BMPER: variants seen among roughly 807,000 people sequenced by gnomAD.
BMPER encodes BMP-binding endothelial regulator protein.
Under a neutral mutation model 87.3 loss-of-function variants are expected in BMPER, and 45 were observed. The observed-to-expected ratio is 0.52, with a 90% confidence interval of 0.41 to 0.66. The LOEUF (loss-of-function observed/expected upper bound fraction) is 0.66, where lower values mean the gene tolerates loss of function less well. Ranked by LOEUF, BMPER falls within the 30% of genes least tolerant of loss-of-function variation. The pLI is 0.00. For missense variants in BMPER, 784 were observed against 867.5 expected (o/e 0.90, Z 1.21); for synonymous variants, 326 against 316.2 (o/e 1.03, Z -0.33).
At chr7:33,938,567 G>A (rs1784668017) in intron 3 of BMPER, among the ~76,000 whole-genome samples, 2 of 152,182 alleles carry the variant, frequency 1.3e-5, no homozygotes, top group African/African-American at 4.8e-5. Context: ...AGTGCCTTCA[G>A]AGGTAGCATG....
At chr7:33,999,560 C>T (rs962249015) in intron 6 of BMPER, among the ~76,000 whole-genome samples, 1 of 152,190 alleles carries the variant, frequency 6.6e-6, no homozygotes, top group African/African-American at 2.4e-5. Flanking sequence ...TGAATTTATT[C>T]AGATAAAGTA....
chr7:34,036,536 A>G (rs934470547), intron 6 of BMPER, among the ~76,000 whole-genome samples: 5 of 152,082 alleles, frequency 3.3e-5, no homozygotes, highest in African/African-American at 1.2e-4. Flanking sequence ...AAGGGGAAAG[A>G]CCTTGCTGGG....
chr7:34,147,222 T>G (rs1173152661), intron 14 of BMPER, among the ~76,000 whole-genome samples: 1 of 152,186 alleles, frequency 6.6e-6, no homozygotes, highest in African/African-American at 2.4e-5. Context: ...TTATATACAC[T>G]GAGTTATTTC....
rs191873785 is a variant in BMPER at position 33,919,486 on chromosome 7, A to G, written c.219+12583A>G. 3.9e-5 allele frequency among the ~76,000 whole-genome samples: 6 copies of G among 152,302 alleles called. No individual in the cohort carries two copies. The East Asian group carries it at 9.6e-4, about 24-fold the overall frequency. On this transcript the variant is annotated intron_variant, in intron 2 of 14. Transcript: ENST00000649409. Reference sequence around the variant, plus strand: ...GAACCTCCAACTCTGAATTAATGGGATCTTCTGTATATCCTCAAGACCCCT... The same window carrying G: ...GAACCTCCAACTCTGAATTAATGGGGTCTTCTGTATATCCTCAAGACCCCT...
chr7:34,141,016 G>A (rs552794117), intron 13 of BMPER, among the ~76,000 whole-genome samples: 18 of 152,224 alleles, frequency 1.2e-4, no homozygotes, highest in African/African-American at 4.1e-4. Context: ...AAGTGAAGTA[G>A]GAATGGGATT....
intron 13 of BMPER, among the ~76,000 whole-genome samples, chr7:34,104,420 C>A (rs1372869383): frequency 2.6e-5 from 4 of 152,192 alleles, no homozygotes; most frequent in Non-Finnish European, 4.4e-5. Flanking sequence ...AACAAAGACA[C>A]AGCGAGTTGT....
intron 6 of BMPER, among the ~76,000 whole-genome samples, chr7:34,033,630 C>T (rs1344232824): frequency 1.3e-5 from 2 of 152,202 alleles, no homozygotes; most frequent in Non-Finnish European, 2.9e-5. Context: ...TGGACATTTG[C>T]CCCAAGAATA....
At chr7:33,916,734 T>G (rs1451373873) in intron 2 of BMPER, among the ~76,000 whole-genome samples, 2 of 152,182 alleles carry the variant, frequency 1.3e-5, no homozygotes, top group African/African-American at 4.8e-5. Flanking sequence ...TGTCTTAAAG[T>G]GTAAGAACCT....
intron 13 of BMPER, among the ~76,000 whole-genome samples, chr7:34,106,648 GTGC>G (rs776599835): frequency 5.3e-5 from 8 of 152,224 alleles, no homozygotes; most frequent in Non-Finnish European, 7.3e-5. Context: ...CCACACGCAG[GTGC>G]TGCCTTAGGC....
At chr7:34,066,199 T>C (rs1788584387) in intron 11 of BMPER, among the ~76,000 whole-genome samples, 1 of 152,204 alleles carries the variant, frequency 6.6e-6, no homozygotes, top group African/African-American at 2.4e-5. Flanking sequence ...CAGTCAGCAG[T>C]AATGGTAATT....
At chr7:33,905,074 G>A (rs112890951), upstream of BMPER, 4,361 of 158,402 alleles carry the variant, frequency 0.028, 143 homozygotes, top group African/African-American at 0.071. Flanking sequence ...GAGGCGCCCG[G>A]TGAGCCCACG....
Position 34,135,460 on chromosome 7 carries a change from G to T in BMPER, c.1746-7770G>T, listed in dbSNP as rs142033636. On this transcript the variant is annotated intron_variant, in intron 13 of 14. Coordinates refer to ENST00000649409, the MANE Select transcript of BMPER (RefSeq NM_001365308.1). ...ATTATGAGGATTTGGATCCCTAGAA[G>T]AAAGAAATGTCATAACCAGCAGATC... Among the ~76,000 whole-genome samples, 472 of 152,274 alleles carry T rather than the reference G, an allele frequency of 3.1e-3. 2 individuals are homozygous for T. The highest frequency in any genetic ancestry group is 0.011 in the African/African-American group (447 of 41,562).
In BMPER at chr7:34,154,407, G is replaced by T. The variant is rs1342060159; in HGVS notation, c.*1134G>T. The stretch of plus-strand genomic sequence containing the variant: ...CTTGACTTTCGTCTTCAGTTGAATT[G>T]GTGAAAACATCAACAAAAACAAAAC... On this transcript the variant is annotated 3_prime_UTR_variant, in exon 15 of 15. Transcript: ENST00000649409. 1 of 152,098 alleles carries T rather than the reference G, an allele frequency of 6.6e-6. No individual in the cohort carries two copies. 9.4% of individuals were successfully genotyped at this position (152,098 alleles called of 1,614,324 possible).
chr7:33,919,889 G>A (rs1034823389), intron 2 of BMPER, among the ~76,000 whole-genome samples: 3 of 151,034 alleles, frequency 2.0e-5, no homozygotes, highest in Admixed American at 2.0e-4. Flanking sequence ...GTCCTTGACT[G>A]TGCTAGATTT....
intron 7 of BMPER, among the ~76,000 whole-genome samples, chr7:34,049,336 A>G (rs561665748): frequency 2.0e-5 from 3 of 152,212 alleles, no homozygotes; most frequent in Admixed American, 6.5e-5. Context: ...TTTAGGTAAA[A>G]TTTTCATTTT....
At chr7:34,031,227 G>A (rs1325945040) in intron 6 of BMPER, among the ~76,000 whole-genome samples, 1 of 152,110 alleles carries the variant, frequency 6.6e-6, no homozygotes, top group South Asian at 2.1e-4. Flanking sequence ...TAACTGCGGG[G>A]TTGCCTCACA....
chr7:34,067,725 A>G (rs1788630302), intron 11 of BMPER, among the ~76,000 whole-genome samples: 2 of 152,208 alleles, frequency 1.3e-5, no homozygotes, highest in South Asian at 2.1e-4. Flanking sequence ...AACAGCAGAC[A>G]GGGGTGGCAA....
chr7:34,136,821 G>A (rs2127992974), intron 13 of BMPER, among the ~76,000 whole-genome samples: 1 of 152,370 alleles, frequency 6.6e-6, no homozygotes, highest in South Asian at 2.1e-4. Flanking sequence ...TGGATATCTG[G>A]CTCCGAGGTG....
At chr7:33,943,609 T>G (rs1784816745) in intron 3 of BMPER, among the ~76,000 whole-genome samples, 2 of 152,228 alleles carry the variant, frequency 1.3e-5, no homozygotes, top group Non-Finnish European at 2.9e-5. Flanking sequence ...CAAACTATGA[T>G]GGACATTTTT....
Sources: allele counts gnomAD v4.1 joint callset (sites outside exome capture counted in the v4.1 genomes callset), GRCh38; gene constraint gnomAD v4.1.1; transcripts MANE v1.5; gene names NCBI Gene and HGNC (gene_info 2026-07-23, HGNC 2026-07-21).